Variants in PTPRD observed in about 807,000 individuals in gnomAD.
PTPRD encodes receptor-type tyrosine-protein phosphatase delta.
PTPRD carries 34 observed loss-of-function variants against 214.5 expected under a neutral mutation model. The observed-to-expected ratio is 0.16, with a 90% CI of 0.12 to 0.21. The LOEUF is 0.21. Ranked by LOEUF, PTPRD falls within the 10% of genes least tolerant of loss-of-function variation. The pLI, the probability that PTPRD is intolerant of heterozygous loss-of-function variation, is 1.00. For missense variants in PTPRD, 2,545 were observed against 2,398.7 expected (o/e 1.06, Z -1.27); for synonymous variants, 1,128 against 845.7 (o/e 1.33, Z -5.79).
At chr9:10,018,119 A>C (rs949163606) in intron 4 of PTPRD, among the ~76,000 whole-genome samples, 1 of 152,092 alleles carries the variant, frequency 6.6e-6, no homozygotes, top group African/African-American at 2.4e-5. Flanking sequence ...CCTCTCATAC[A>C]CAAATACACA....
intron 2 of PTPRD, among the ~76,000 whole-genome samples, chr9:10,582,271 C>A (rs2072170999): frequency 6.6e-6 from 1 of 152,254 alleles, no homozygotes; most frequent in South Asian, 2.1e-4. Context: ...GATTTCTATA[C>A]CGGACCTTGT....
chr9:10,159,714 CA>C (rs916459230), intron 3 of PTPRD, among the ~76,000 whole-genome samples: 2 of 146,976 alleles, frequency 1.4e-5, no homozygotes, highest in Admixed American at 6.8e-5. Context: ...ATTTGCTGAG[CA>C]AAAAAAAATT....
chr9:9,458,890 A>T (rs897402856), intron 8 of PTPRD, among the ~76,000 whole-genome samples: 1 of 152,030 alleles, frequency 6.6e-6, no homozygotes, highest in Non-Finnish European at 1.5e-5. Context: ...CAGTGATGTA[A>T]GATTGCACCA....
chr9:8,991,010 T>C (rs765529196), intron 11 of PTPRD, among the ~76,000 whole-genome samples: 6 of 151,458 alleles, frequency 4.0e-5, no homozygotes, highest in Middle Eastern at 3.2e-3. Flanking sequence ...AGGCTAGGAG[T>C]TTGCGACCAG....
chr9:10,153,825 T>C (rs1388167716), intron 3 of PTPRD, among the ~76,000 whole-genome samples: 10 of 152,170 alleles, frequency 6.6e-5, no homozygotes, highest in Non-Finnish European at 1.5e-4. Context: ...TTGTTCTTTT[T>C]AGTGGCTGCG....
At chr9:9,758,148 C>CAAAAAAA (rs3050038) in intron 6 of PTPRD, among the ~76,000 whole-genome samples, 135 of 114,906 alleles carry the variant, frequency 1.2e-3, no homozygotes, top group Middle Eastern at 4.3e-3. Flanking sequence ...GTAAAAATGG[C>CAAAAAAA]AAAAAAAAAA....
intron 9 of PTPRD, among the ~76,000 whole-genome samples, chr9:9,335,800 G>A (rs575395632): frequency 3.9e-5 from 6 of 152,086 alleles, no homozygotes; most frequent in Admixed American, 6.6e-5. Flanking sequence ...CTAGAAAAAC[G>A]TAGATGTCTA....
intron 5 of PTPRD, among the ~76,000 whole-genome samples, chr9:9,861,951 T>C (rs2062867863): frequency 6.6e-6 from 1 of 152,206 alleles, no homozygotes; most frequent in Admixed American, 6.5e-5. Flanking sequence ...AACTCAAAAA[T>C]ATTTGGTTAT....
At chr9:9,012,153 C>T (rs1035940203) in intron 11 of PTPRD, among the ~76,000 whole-genome samples, 1 of 152,086 alleles carries the variant, frequency 6.6e-6, no homozygotes, top group Non-Finnish European at 1.5e-5. Context: ...AGCCAACAGC[C>T]AAAGCCAAAG....
intron 2 of PTPRD, among the ~76,000 whole-genome samples, chr9:10,475,679 A>G (rs983886942): frequency 2.0e-5 from 3 of 152,142 alleles, no homozygotes; most frequent in Non-Finnish European, 2.9e-5. Context: ...ACAACTAGTA[A>G]AGAAAATTTC....
intron 13 of PTPRD, among the ~76,000 whole-genome samples, chr9:8,635,088 T>C (rs1329716059): frequency 6.8e-6 from 1 of 147,916 alleles, no homozygotes; most frequent in Non-Finnish European, 1.5e-5. Flanking sequence ...ATATTATATA[T>C]ATATTAGTGT....
rs71332747 is a variant in PTPRD, at chr9:10,504,115, C to CAAAAAAAAAAAAA, written c.-600+108270_-600+108282dup. ...TGGGGCACAGAGCGAGACTCTGTCTCAAAAAAAAAAAAAAAAAAAAAAAAA... is the reference window on the plus strand; with the variant it reads ...TGGGGCACAGAGCGAGACTCTGTCTCAAAAAAAAAAAAAAAAAAAAAAAAAAAAAAAAAAAAAA... On this transcript the variant is annotated intron_variant, in intron 2 of 45. Transcript: ENST00000381196. 6.4e-3 allele frequency among the ~76,000 whole-genome samples: 173 copies of CAAAAAAAAAAAAA among 26,966 alleles called. 41 individuals are homozygous for CAAAAAAAAAAAAA. Among genetic ancestry groups the CAAAAAAAAAAAAA allele is most frequent in the African/African-American group, 0.028 (158 of 5,552 alleles). 17.7% of individuals were successfully genotyped at this position (26,966 alleles called of 152,430 possible). A position where few individuals can be genotyped will look rare whatever the true frequency, so the allele number is the denominator to read the frequency against.
At position 9,845,053 on chromosome 9, in the gene PTPRD, T is replaced by TAG. The variant is rs534001092; in HGVS notation, c.-367-78204_-367-78203dup. On this transcript the variant is annotated intron_variant, in intron 5 of 45. Transcript: ENST00000381196. ...ACTGCTATATATATATAGCTATATATAGAGCAATATATATATATATATTGC... is the reference window on the plus strand; with the variant it reads ...ACTGCTATATATATATAGCTATATATAGAGAGCAATATATATATATATATTGC... Among the ~76,000 whole-genome samples the TAG allele has an allele frequency of 5.7e-3, 325 of 56,764 alleles. 37 individuals are homozygous for TAG. The highest frequency in any genetic ancestry group is 0.016 in the African/African-American group (271 of 17,314). The allele number at this position is 56,764 out of a possible 152,430, so 37.2% of individuals were successfully genotyped here.
At chr9:9,747,725 G>A (rs1401028569) in intron 6 of PTPRD, among the ~76,000 whole-genome samples, 2 of 151,834 alleles carry the variant, frequency 1.3e-5, no homozygotes, top group African/African-American at 4.8e-5. Context: ...TTTTTTGTGT[G>A]TATTTTTAGT....
At chr9:8,449,649 T>C in intron 34 of PTPRD, 76 bp downstream of exon 34, 1 of 1,323,820 alleles carries the variant, frequency 7.6e-7, no homozygotes. Context: ...AGTGATACCT[T>C]CAACTCTTAA....
intron 5 of PTPRD, among the ~76,000 whole-genome samples, chr9:9,767,075 T>A (rs555386757): frequency 8.2e-4 from 125 of 151,960 alleles, no homozygotes; most frequent in African/African-American, 2.8e-3. Context: ...ACTTCATAAT[T>A]TGAACCCAAA....
intron 7 of PTPRD, among the ~76,000 whole-genome samples, chr9:9,595,073 A>G (rs948212956): frequency 6.6e-6 from 1 of 151,856 alleles, no homozygotes; most frequent in Non-Finnish European, 1.5e-5. Flanking sequence ...CATCATTAAC[A>G]ATTCAAAAAA....
intron 3 of PTPRD, among the ~76,000 whole-genome samples, chr9:10,146,484 G>T (rs1016081507): frequency 1.3e-5 from 2 of 152,068 alleles, no homozygotes; most frequent in Non-Finnish European, 2.9e-5. Context: ...CCAGGAATCG[G>T]TTGAAATTAT....
At chr9:9,847,348 C>T (rs1446681028) in intron 5 of PTPRD, among the ~76,000 whole-genome samples, 1 of 152,062 alleles carries the variant, frequency 6.6e-6, no homozygotes, top group Non-Finnish European at 1.5e-5. Flanking sequence ...TGTATTTTTA[C>T]TCATGAGTAC....
Sources: gnomAD v4.1 joint callset for allele counts (sites outside exome capture counted in the v4.1 genomes callset) on GRCh38, gnomAD v4.1.1 for gene constraint, MANE v1.5 for transcripts, NCBI Gene and HGNC (gene_info 2026-07-23, HGNC 2026-07-21) for gene names.